TSHZ3: variants seen among roughly 807,000 people sequenced by gnomAD.
TSHZ3 encodes the protein teashirt homolog 3.
TSHZ3 carries 10 observed loss-of-function variants against 64.5 expected under a neutral mutation model. That is an observed-to-expected ratio of 0.16 (90% confidence interval 0.10 to 0.26). The LOEUF (loss-of-function observed/expected upper bound fraction) is 0.26. Among genes scored for constraint, TSHZ3 ranks in the 10% least tolerant of loss-of-function variants. The probability of loss-of-function intolerance (pLI) is 1.00; values close to 1 mark genes in which losing one functional copy is unlikely to be tolerated. For synonymous variants in TSHZ3, 608 were observed against 593.1 expected (o/e 1.03, Z -0.36); for missense variants, 1,242 against 1,421.7 (o/e 0.87, Z 2.03).
chr19:31,178,821 G>A (rs1974653907), intron 5 of TSHZ3, among the ~76,000 whole-genome samples: 1 of 152,228 alleles, frequency 6.6e-6, no homozygotes, highest in East Asian at 1.9e-4. Flanking sequence ...GGACAGGTGA[G>A]TGATGCCTCC....
At chr19:31,336,141 A>C (rs1917235984) in intron 1 of TSHZ3, among the ~76,000 whole-genome samples, 2 of 152,186 alleles carry the variant, frequency 1.3e-5, no homozygotes, top group East Asian at 3.8e-4. Context: ...AAAAGAGTAG[A>C]TCTGTTTCAG....
intron 1 of TSHZ3, among the ~76,000 whole-genome samples, chr19:31,293,717 T>A (rs1976614890): frequency 6.6e-6 from 1 of 152,244 alleles, no homozygotes; most frequent in Non-Finnish European, 1.5e-5. Flanking sequence ...ATTTATCTCT[T>A]GTAGTTTTAG....
At chr19:31,241,690 A>G (rs1975692117) in intron 3 of TSHZ3, among the ~76,000 whole-genome samples, 1 of 152,270 alleles carries the variant, frequency 6.6e-6, no homozygotes, top group South Asian at 2.1e-4. Flanking sequence ...CAGCATGCCC[A>G]CCATCCTCTG....
intron 1 of TSHZ3, among the ~76,000 whole-genome samples, chr19:31,313,717 G>A (rs952935031): frequency 6.6e-6 from 1 of 152,206 alleles, no homozygotes; most frequent in African/African-American, 2.4e-5. Context: ...CATGGCCGTA[G>A]CCATTCAGCA....
At chr19:31,342,071 TG>T (rs1275510742) in intron 1 of TSHZ3, among the ~76,000 whole-genome samples, 3 of 152,340 alleles carry the variant, frequency 2.0e-5, no homozygotes, top group Admixed American at 2.0e-4. Flanking sequence ...TACAATAAGG[TG>T]TTTACATTTT....
At chr19:31,350,479 C>CG, upstream of TSHZ3, among the ~76,000 whole-genome samples, 1 of 151,406 alleles carries the variant, frequency 6.6e-6, no homozygotes, top group African/African-American at 2.4e-5. Flanking sequence ...TAGGGCGGGA[C>CG]GGGGGCGGGA....
chr19:31,223,029 G>A (rs1377670690), intron 4 of TSHZ3, among the ~76,000 whole-genome samples: 1 of 152,168 alleles, frequency 6.6e-6, no homozygotes, highest in Non-Finnish European at 1.5e-5. Flanking sequence ...AGATGACCAT[G>A]AGGCTCAGGA....
chr19:31,330,325 G>A (rs998856207), intron 1 of TSHZ3, among the ~76,000 whole-genome samples: 1 of 152,202 alleles, frequency 6.6e-6, no homozygotes, highest in Non-Finnish European at 1.5e-5. Flanking sequence ...GCCTAGCAGG[G>A]GTGGAGCAGT....
At chr19:31,172,160 A>G (rs1974545192) in intron 5 of TSHZ3, among the ~76,000 whole-genome samples, 1 of 152,152 alleles carries the variant, frequency 6.6e-6, no homozygotes, top group African/African-American at 2.4e-5. Context: ...AGGGCGGCCG[A>G]CCAAGATTTA....
intron 3 of TSHZ3, among the ~76,000 whole-genome samples, chr19:31,230,846 C>T (rs1184670204): frequency 6.6e-6 from 1 of 151,774 alleles, no homozygotes; most frequent in African/African-American, 2.4e-5. Flanking sequence ...TCTACAGGCT[C>T]CTGCCACCAC....
chr19:31,314,388 C>T lies in TSHZ3; in HGVS notation c.41-34636G>A, dbSNP rs138134358. Reference sequence around the variant, plus strand: ...AAGCCACATGGGCAGCGGCCGGAACCGTGTCTCACCTGCACGGTGGGGCTC... The same window carrying T: ...AAGCCACATGGGCAGCGGCCGGAACTGTGTCTCACCTGCACGGTGGGGCTC... On this transcript the variant is annotated intron_variant, in intron 1 of 1. Coordinates refer to ENST00000240587, the MANE Select transcript of TSHZ3 (RefSeq NM_020856.4). Among the ~76,000 whole-genome samples, 67 of 152,302 alleles carry T rather than the reference C, an allele frequency of 4.4e-4. No individual in the cohort carries two copies. In the East Asian group the frequency reaches 0.012, roughly 27 times the overall value.
chr19:31,167,084 A>G (rs8108322), intron 5 of TSHZ3, among the ~76,000 whole-genome samples: 118,433 of 152,098 alleles, frequency 0.78, 46,891 homozygotes, highest in African/African-American at 0.93. Context: ...GTTATGCTAC[A>G]GGGCTTCACG....
intron 1 of TSHZ3, among the ~76,000 whole-genome samples, chr19:31,294,811 C>G (rs1048427255): frequency 5.3e-5 from 8 of 152,050 alleles, no homozygotes; most frequent in Admixed American, 2.0e-4. Flanking sequence ...ACCCTTAACA[C>G]CTTACCATCC....
chr19:31,350,231 C>A (rs963610082), upstream of TSHZ3, among the ~76,000 whole-genome samples: 1 of 150,350 alleles, frequency 6.7e-6, no homozygotes, highest in African/African-American at 2.4e-5. Context: ...CGGGCCGGGG[C>A]GGGTGGGGGC....
chr19:31,278,742 C>T lies in TSHZ3; in HGVS notation c.1051G>A (p.Ala351Thr). 1 of 1,614,152 alleles carries T rather than the reference C, an allele frequency of 6.2e-7. No individual in the cohort carries two copies. Among genetic ancestry groups the T allele is most frequent in the African/African-American group, 1.3e-5 (1 of 75,022 alleles). Residue 351 changes from alanine to threonine, a missense_variant, in exon 2 of 2, where the codon GCA becomes ACA. Ala to Thr is a moderately conservative substitution (Grantham distance 58). Transcript: ENST00000240587. The surrounding 1 kb of genome is among the most constrained non-coding windows in gnomAD (Gnocchi z 4.7). ...TAAGGGTTGGAGTTCTTCTGAAGTG[C>T]ATCGTTGGTGTCTGAGATGGTGGCT... ...PKATISDTND[A>T]LQKNSNPYIT...
At chr19:31,229,571 G>A (rs529805968) in intron 3 of TSHZ3, among the ~76,000 whole-genome samples, 106 of 152,322 alleles carry the variant, frequency 7.0e-4, no homozygotes, top group African/African-American at 2.5e-3. Context: ...ATCTGATCTT[G>A]TAATGGGAAA....
intron 6 of TSHZ3, among the ~76,000 whole-genome samples, chr19:31,154,774 T>G (rs760426373): frequency 7.9e-5 from 12 of 152,166 alleles, no homozygotes; most frequent in Non-Finnish European, 1.8e-4. Context: ...ATCAGGAAAG[T>G]GTGGGCTTCA....
At chr19:31,199,687 G>A (rs1396322734) in intron 5 of TSHZ3, among the ~76,000 whole-genome samples, 1 of 148,492 alleles carries the variant, frequency 6.7e-6, no homozygotes, top group Non-Finnish European at 1.5e-5. Flanking sequence ...ATGTCAAAGG[G>A]ATGATCCATG....
At chr19:31,288,722 T>A (rs1310136092) in intron 1 of TSHZ3, among the ~76,000 whole-genome samples, 2 of 152,126 alleles carry the variant, frequency 1.3e-5, no homozygotes, top group African/African-American at 4.8e-5. Context: ...CAATCTTTTT[T>A]TAGAGTTGGG....
Sources: allele counts gnomAD v4.1 joint callset (sites outside exome capture counted in the v4.1 genomes callset), GRCh38; gene constraint gnomAD v4.1.1; non-coding constraint Gnocchi (gnomAD v3.1); transcripts MANE v1.5; gene names NCBI Gene and HGNC (gene_info 2026-07-23, HGNC 2026-07-21).